Variants in PDE1C observed in about 807,000 individuals in gnomAD.
PDE1C encodes phosphodiesterase 1C.
PDE1C carries 62 observed loss-of-function variants against 93.1 expected under a neutral mutation model. The ratio of observed to expected loss-of-function variants is 0.67; its 90% CI spans 0.54 to 0.82. The LOEUF is 0.82. Ranked by LOEUF, PDE1C falls within the 40% of genes least tolerant of loss-of-function variation. The pLI is 0.00. For synonymous variants in PDE1C, 325 were observed against 310.1 expected (o/e 1.05, Z -0.50); for missense variants, 742 against 884.6 (o/e 0.84, Z 2.04).
At position 32,139,657 on chromosome 7, in the gene PDE1C, A is replaced by T. The variant is rs181847420; in HGVS notation, c.308+30128T>A. Among the ~76,000 whole-genome samples the T allele has an allele frequency of 3.9e-5, 6 of 152,232 alleles. No homozygotes were observed. The East Asian group carries it at 1.2e-3, about 29-fold the overall frequency. ...CTTCCAAGCTTTGCCTCAGGAATTG[A>T]TCCTGATTGGTATAAACCTATTATG... On this transcript the variant is annotated intron_variant, in intron 3 of 18. Transcript: ENST00000396193.
intron 8 of PDE1C, among the ~76,000 whole-genome samples, chr7:31,850,344 T>C (rs1481316642): frequency 6.6e-6 from 1 of 152,086 alleles, no homozygotes; most frequent in African/African-American, 2.4e-5. Flanking sequence ...CATTTCCTGT[T>C]AGAAGTAGGT....
intron 7 of PDE1C, among the ~76,000 whole-genome samples, chr7:31,862,687 C>A (rs1264767158): frequency 6.6e-6 from 1 of 152,188 alleles, no homozygotes; most frequent in East Asian, 1.9e-4. Flanking sequence ...GGCCCCACTA[C>A]CTAATACCAT....
intron 1 of PDE1C, among the ~76,000 whole-genome samples, chr7:32,056,801 G>A (rs184559681): frequency 2.6e-5 from 4 of 152,176 alleles, no homozygotes; most frequent in East Asian, 1.9e-4. Context: ...ACAAAAAAAA[G>A]GTTGAAGATT....
At chr7:31,757,907 T>A (rs544807574) in intron 17 of PDE1C, among the ~76,000 whole-genome samples, 5 of 152,134 alleles carry the variant, frequency 3.3e-5, no homozygotes, top group Non-Finnish European at 7.3e-5. Flanking sequence ...CAAATGTCCA[T>A]CAATGATAGA....
At chr7:32,134,682 CT>C (rs1407038242) in intron 3 of PDE1C, among the ~76,000 whole-genome samples, 1 of 152,122 alleles carries the variant, frequency 6.6e-6, no homozygotes, top group East Asian at 1.9e-4. Context: ...ACCACATGTT[CT>C]TACTCATAAG....
intron 3 of PDE1C, among the ~76,000 whole-genome samples, chr7:32,155,035 G>A (rs1157390617): frequency 1.3e-5 from 2 of 152,240 alleles, no homozygotes. Flanking sequence ...GAAATGGCAG[G>A]AAATGAGCAG....
intron 2 of PDE1C, among the ~76,000 whole-genome samples, chr7:32,047,032 G>GGTGTGTGTGTGTGT (rs60646988): frequency 4.7e-4 from 70 of 148,812 alleles, no homozygotes; most frequent in Middle Eastern, 3.4e-3. Flanking sequence ...CTGAAATAGG[G>GGTGTGTGTGTGTGT]GTGTGTGTGT....
At chr7:32,082,013 G>A (rs554683806) in intron 3 of PDE1C, among the ~76,000 whole-genome samples, 1 of 152,322 alleles carries the variant, frequency 6.6e-6, no homozygotes, top group Admixed American at 6.5e-5. Context: ...AGTGGGTGCA[G>A]GACAGTGGGT....
At chr7:32,025,452 A>C (rs1269786797) in intron 2 of PDE1C, among the ~76,000 whole-genome samples, 3 of 152,114 alleles carry the variant, frequency 2.0e-5, no homozygotes, top group Admixed American at 6.6e-5. Flanking sequence ...TGGGGCTTGA[A>C]GACATTGCTA....
chr7:32,188,450 G>C (rs976507623), intron 2 of PDE1C, among the ~76,000 whole-genome samples: 4 of 151,978 alleles, frequency 2.6e-5, no homozygotes, highest in Non-Finnish European at 5.9e-5. Flanking sequence ...TATTTTCCAA[G>C]ACAGTGTTTT....
chr7:31,985,917 C>T (rs62457487), intron 2 of PDE1C, among the ~76,000 whole-genome samples: 10,881 of 152,148 alleles, frequency 0.072, 603 homozygotes, highest in East Asian at 0.32. Context: ...TCTGCCCCTT[C>T]CCCTAGCACC....
chr7:31,907,469 G>A lies in PDE1C; in HGVS notation c.129-26609C>T, dbSNP rs935511332. ...AACAGAGTTATATGAACTACTGTGAGGTTGTTCTGTCTGTGAGCAACGATG... is the reference window on the plus strand; with the variant it reads ...AACAGAGTTATATGAACTACTGTGAAGTTGTTCTGTCTGTGAGCAACGATG... On this transcript the variant is annotated intron_variant, in intron 2 of 17. Transcript: ENST00000396191. Among the ~76,000 whole-genome samples the A allele has an allele frequency of 2.0e-5, 3 of 152,104 alleles. No individual in the cohort carries two copies. In the East Asian group the frequency reaches 5.8e-4, roughly 29 times the overall value.
intron 3 of PDE1C, among the ~76,000 whole-genome samples, chr7:32,108,835 A>G (rs1162892970): frequency 6.6e-6 from 1 of 152,180 alleles, no homozygotes; most frequent in Non-Finnish European, 1.5e-5. Context: ...GTGCCAGAGC[A>G]TGGAGATTGT....
intron 1 of PDE1C, among the ~76,000 whole-genome samples, chr7:32,290,334 A>G (rs62457501): frequency 0.077 from 11,683 of 152,256 alleles, 595 homozygotes; most frequent in Non-Finnish European, 0.1. Flanking sequence ...GGCAGCCAGG[A>G]GCAGGCGGGT....
At chr7:31,884,988 TGTTTTCCTAGTAAA>T (rs1797703484) in intron 2 of PDE1C, among the ~76,000 whole-genome samples, 1 of 152,190 alleles carries the variant, frequency 6.6e-6, no homozygotes, top group African/African-American at 2.4e-5. Context: ...TGCTCTTCTT[TGTTTTCCTAGTAAA>T]GTTGTCTAGA....
At chr7:31,671,190 C>T in the PDE1C span, among the ~76,000 whole-genome samples, 4 of 152,292 alleles carry the variant, frequency 2.6e-5, no homozygotes, top group South Asian at 6.2e-4. Context: ...AACACTTAAG[C>T]CATCCATGGA....
At chr7:31,971,855 C>A (rs376844408) in intron 2 of PDE1C, among the ~76,000 whole-genome samples, 1 of 152,222 alleles carries the variant, frequency 6.6e-6, no homozygotes, top group African/African-American at 2.4e-5. Context: ...AGCTCCTTTA[C>A]CCACTGGTTT....
At chr7:32,021,880 T>A (rs561587695) in intron 2 of PDE1C, among the ~76,000 whole-genome samples, 139 of 152,204 alleles carry the variant, frequency 9.1e-4, no homozygotes, top group South Asian at 2.5e-3. Flanking sequence ...AGAAAAAAAA[T>A]AGTTGCCTTT....
the PDE1C span, among the ~76,000 whole-genome samples, chr7:31,670,112 T>G: frequency 6.6e-6 from 1 of 152,178 alleles, no homozygotes; most frequent in South Asian, 2.1e-4. Context: ...TGTCTTTCAG[T>G]CAGCCCCAAA....
Sources: gnomAD v4.1 joint callset for allele counts (sites outside exome capture counted in the v4.1 genomes callset) on GRCh38, gnomAD v4.1.1 for gene constraint, MANE v1.5 for transcripts, NCBI Gene and HGNC (gene_info 2026-07-23, HGNC 2026-07-21) for gene names.